The following PPFIA2 variants were observed in gnomAD, a reference collection of about 807,000 sequenced individuals.
PPFIA2 encodes PPFI scaffold protein A2, also known as liprin-alpha-2.
In PPFIA2, 46 loss-of-function variants were observed where a neutral mutation model predicts 175.5. The ratio of observed to expected loss-of-function variants is 0.26; its 90% CI spans 0.21 to 0.34. The LOEUF (loss-of-function observed/expected upper bound fraction) is 0.34, where lower values mean the gene tolerates loss of function less well. Ranked by LOEUF, PPFIA2 falls within the 10% of genes least tolerant of loss-of-function variation. The pLI is 1.00. For missense variants in PPFIA2, 1,179 were observed against 1,506.1 expected, an observed-to-expected ratio of 0.78 and a Z score of 3.60; for synonymous variants, 568 against 511.4, an observed-to-expected ratio of 1.11 and a Z score of -1.49.
intron 4 of PPFIA2, among the ~76,000 whole-genome samples, chr12:81,558,178 G>A (rs193045070): frequency 6.6e-6 from 1 of 152,226 alleles, no homozygotes; most frequent in East Asian, 1.9e-4. Context: ...AGGGGATGTA[G>A]ATGACTCATT....
intron 2 of PPFIA2, among the ~76,000 whole-genome samples, chr12:81,758,057 C>T (rs528716456): frequency 6.6e-6 from 1 of 152,140 alleles, no homozygotes; most frequent in Admixed American, 6.5e-5. Context: ...TTAATGGACA[C>T]ATTTTACACT....
intron 6 of PPFIA2, among the ~76,000 whole-genome samples, chr12:81,441,006 T>C (rs1328791042): frequency 1.3e-5 from 2 of 151,510 alleles, no homozygotes; most frequent in Non-Finnish European, 3.0e-5. Context: ...ATAGTATTTG[T>C]GCAGTTAAGA....
chr12:81,346,993 C>T (rs2059179846), intron 18 of PPFIA2, among the ~76,000 whole-genome samples: 2 of 151,828 alleles, frequency 1.3e-5, no homozygotes, highest in African/African-American at 4.8e-5. Flanking sequence ...GCAGTGTTGC[C>T]ATGATAGCTC....
intron 4 of PPFIA2, among the ~76,000 whole-genome samples, chr12:81,473,703 A>C (rs1358999883): frequency 6.6e-6 from 1 of 152,226 alleles, no homozygotes; most frequent in African/African-American, 2.4e-5. Flanking sequence ...AATTTTTTAC[A>C]TCTCCTTCAA....
At chr12:81,309,914 G>A (rs1316517547) in intron 22 of PPFIA2, among the ~76,000 whole-genome samples, 2 of 151,970 alleles carry the variant, frequency 1.3e-5, no homozygotes, top group African/African-American at 2.4e-5. Context: ...AATTATTTAT[G>A]CTGTTATTGA....
chr12:81,741,321 G>T (rs1260316925), intron 3 of PPFIA2, among the ~76,000 whole-genome samples: 1 of 152,004 alleles, frequency 6.6e-6, no homozygotes, highest in Non-Finnish European at 1.5e-5. Context: ...TTTTCATTAA[G>T]ATTTTTAATA....
intron 4 of PPFIA2, among the ~76,000 whole-genome samples, chr12:81,631,491 A>T (rs2063379447): frequency 6.6e-6 from 1 of 152,194 alleles, no homozygotes; most frequent in South Asian, 2.1e-4. Context: ...ACTAAAAGGA[A>T]GGGAAAACAA....
intron 4 of PPFIA2, among the ~76,000 whole-genome samples, chr12:81,580,609 C>A (rs913341788): frequency 1.3e-5 from 2 of 151,292 alleles, no homozygotes; most frequent in African/African-American, 2.4e-5. Flanking sequence ...AAAATGCTTA[C>A]AATAATAAAT....
Position 81,341,089 on chromosome 12 carries a change from A to T in PPFIA2, c.2382T>A (p.Asn794Lys), listed in dbSNP as rs745956904. 6.2e-7 allele frequency: 1 copy of T among 1,610,244 alleles called. No homozygotes were observed. The change falls in exon 20 of 33, where the codon AAT becomes AAA. Residue 794 changes from asparagine to lysine, a missense_variant. By Grantham distance (94) the Asn-to-Lys change is moderately conservative. Coordinates refer to ENST00000549396, the MANE Select transcript of PPFIA2 (RefSeq NM_003625.5). ...CTGCAGAGTCTTACCTTCGAGCATC[A>T]TTGTGGTAGGAAGAAGGGAGAGTGT... ...MTHTLPSSYH[N>K]DARSSLSVSL...
intron 7 of PPFIA2, among the ~76,000 whole-genome samples, chr12:81,432,294 G>T (rs1429216323): frequency 1.3e-5 from 2 of 151,812 alleles, no homozygotes; most frequent in Admixed American, 1.3e-4. Flanking sequence ...AATAGATAGG[G>T]TCTCGCTTTG....
intron 7 of PPFIA2, among the ~76,000 whole-genome samples, chr12:81,433,496 C>A (rs1488858972): frequency 6.6e-6 from 1 of 152,148 alleles, no homozygotes; most frequent in Non-Finnish European, 1.5e-5. Flanking sequence ...TTACTTAATA[C>A]CTCATTTATT....
At chr12:81,524,213 C>T (rs967993699) in intron 4 of PPFIA2, among the ~76,000 whole-genome samples, 2 of 152,174 alleles carry the variant, frequency 1.3e-5, no homozygotes, top group African/African-American at 4.8e-5. Flanking sequence ...GTTCTACCCT[C>T]AAGACCTTAG....
chr12:81,645,275 A>C (rs1000517458), intron 4 of PPFIA2, among the ~76,000 whole-genome samples: 2 of 152,110 alleles, frequency 1.3e-5, no homozygotes, highest in African/African-American at 2.4e-5. Context: ...TTTACTCATC[A>C]TATTTTTCAA....
chr12:81,518,542 T>G (rs1594367916), intron 4 of PPFIA2, among the ~76,000 whole-genome samples: 1 of 152,254 alleles, frequency 6.6e-6, no homozygotes, highest in South Asian at 2.1e-4. Flanking sequence ...AAGCACTTTC[T>G]TACTGACACC....
At chr12:81,735,073 G>A (rs2081393852) in intron 3 of PPFIA2, among the ~76,000 whole-genome samples, 1 of 151,656 alleles carries the variant, frequency 6.6e-6, no homozygotes, top group Admixed American at 6.6e-5. Flanking sequence ...AGGGATATTT[G>A]TTATTATGAA....
At chr12:81,592,531 G>C (rs185972247) in intron 4 of PPFIA2, among the ~76,000 whole-genome samples, 9 of 152,062 alleles carry the variant, frequency 5.9e-5, no homozygotes, top group South Asian at 2.1e-4. Context: ...GAATTATGGT[G>C]GTGGGTCTTT....
chr12:81,524,683 A>G (rs531558878), intron 4 of PPFIA2, among the ~76,000 whole-genome samples: 1 of 152,338 alleles, frequency 6.6e-6, no homozygotes, highest in South Asian at 2.1e-4. Context: ...CTAAGTTGAT[A>G]TTAGAACAAG....
intron 3 of PPFIA2, among the ~76,000 whole-genome samples, chr12:81,722,670 C>A (rs2079512800): frequency 1.3e-5 from 2 of 150,888 alleles, no homozygotes. Context: ...CCTTTGCCTT[C>A]TGGAATGCAA....
At chr12:81,374,562 T>C in intron 11 of PPFIA2, 72 bp downstream of exon 11, 1 of 1,484,418 alleles carries the variant, frequency 6.7e-7, no homozygotes, top group Non-Finnish European at 9.0e-7. Flanking sequence ...AGAAAATCTT[T>C]ACACATTCCA....
Sources: allele counts gnomAD v4.1 joint callset (sites outside exome capture counted in the v4.1 genomes callset), GRCh38; gene constraint gnomAD v4.1.1; transcripts MANE v1.5; gene names NCBI Gene and HGNC (gene_info 2026-07-23, HGNC 2026-07-21).